SORCS2: variants seen among roughly 807,000 people sequenced by gnomAD.
SORCS2 encodes the protein sortilin related VPS10 domain containing receptor 2, also known as VPS10 domain-containing receptor SorCS2.
Under a neutral mutation model 141.6 loss-of-function variants are expected in SORCS2, and 100 were observed. That is an observed-to-expected ratio of 0.71 (90% confidence interval 0.60 to 0.83). The LOEUF is 0.83. Among genes scored for constraint, SORCS2 ranks in the 40% least tolerant of loss-of-function variants. The pLI is 0.00. For missense variants in SORCS2, 1,646 were observed against 1,560.2 expected (o/e 1.05, Z -0.93); for synonymous variants, 789 against 676.9 (o/e 1.17, Z -2.57).
chr4:7,661,349 G>A (rs1214777458), intron 5 of SORCS2, 151 bp from the exon 6 acceptor site: 13 of 697,054 alleles, frequency 1.9e-5, no homozygotes, highest in South Asian at 3.5e-5. Flanking sequence ...GGAGCAGGTG[G>A]GGTCCTGGGG....
intron 20 of SORCS2, among the ~76,000 whole-genome samples, chr4:7,726,356 T>C (rs1255851792): frequency 6.6e-6 from 1 of 152,166 alleles, no homozygotes; most frequent in Non-Finnish European, 1.5e-5. Context: ...CAGGTGCCCA[T>C]GAGATCAGGA....
intron 1 of SORCS2, among the ~76,000 whole-genome samples, chr4:7,232,703 G>A (rs557925302): frequency 2.6e-4 from 40 of 152,272 alleles, no homozygotes; most frequent in African/African-American, 6.3e-4. Flanking sequence ...GTGTCGATGC[G>A]TGCCCCTCCC....
chr4:7,664,519 C>A lies in SORCS2; in HGVS notation c.1071+48C>A, dbSNP rs773537333. 3 of 1,391,838 alleles carry A rather than the reference C, an allele frequency of 2.2e-6. No individual in the cohort carries two copies. Among genetic ancestry groups the A allele is most frequent in the South Asian group, 1.3e-5 (1 of 77,966 alleles). 86.2% of individuals were successfully genotyped at this position (1,391,838 alleles called of 1,614,324 possible). On this transcript the variant is annotated intron_variant, in intron 7 of 26. Coordinates refer to ENST00000507866, the MANE Select transcript of SORCS2 (RefSeq NM_020777.3). This position sits in a 1 kb window ranked among gnomAD's most constrained non-coding sequence, Gnocchi z 4.7. ...TGGAAATTGGCAACAGGTGACGTGGCGGATGACCCGTTCGCGGCAAAAATG... is the reference window on the plus strand; with the variant it reads ...TGGAAATTGGCAACAGGTGACGTGGAGGATGACCCGTTCGCGGCAAAAATG...
At chr4:7,702,419 C>A (rs1725147819) in intron 12 of SORCS2, among the ~76,000 whole-genome samples, 1 of 152,264 alleles carries the variant, frequency 6.6e-6, no homozygotes, top group South Asian at 2.1e-4. Flanking sequence ...GGAGCCACCA[C>A]CGGCTCTGCC....
chr4:7,224,248 GACA>G (rs1728873372), intron 1 of SORCS2, among the ~76,000 whole-genome samples: 1 of 152,208 alleles, frequency 6.6e-6, no homozygotes, highest in Non-Finnish European at 1.5e-5. Context: ...AGGAAGGTCT[GACA>G]ACATTTAATT....
intron 10 of SORCS2, among the ~76,000 whole-genome samples, chr4:7,684,858 G>A (rs76101632): frequency 0.011 from 1,630 of 152,218 alleles, 30 homozygotes; most frequent in African/African-American, 0.037. Flanking sequence ...CATGGAGGCC[G>A]TGGTACTAAG....
intron 1 of SORCS2, among the ~76,000 whole-genome samples, chr4:7,268,051 T>A (rs749963402): frequency 3.9e-4 from 60 of 152,226 alleles, no homozygotes; most frequent in Non-Finnish European, 6.8e-4. Flanking sequence ...TGGGTGGGGT[T>A]CTGGTTGTCT....
At position 7,724,483 on chromosome 4, in the gene SORCS2, A is replaced by G. The variant is rs868330685; in HGVS notation, c.2611+600A>G. On this transcript the variant is annotated intron_variant, in intron 19 of 26. Coordinates refer to ENST00000507866, the MANE Select transcript of SORCS2 (RefSeq NM_020777.3). The stretch of plus-strand genomic sequence containing the variant: ...GGTGGTGGTGATGGTGATGGTGGTG[A>G]TGGTGGTGGTGGTGACAATGGTGGT... 3.6e-3 allele frequency among the ~76,000 whole-genome samples: 345 copies of G among 97,058 alleles called. 1 individual carries two copies. The highest frequency in any genetic ancestry group is 0.011 in the African/African-American group (227 of 20,182). 63.7% of individuals were successfully genotyped at this position (97,058 alleles called of 152,430 possible).
In SORCS2 at chr4:7,648,629, G is replaced by A. The variant is rs28371431; in HGVS notation, c.814-5505G>A. 0.022 allele frequency among the ~76,000 whole-genome samples: 3,418 copies of A among 152,224 alleles called. 120 individuals carry two copies. Among genetic ancestry groups the A allele is most frequent in the African/African-American group, 0.077 (3,213 of 41,520 alleles). ...ACGAGGGATGGGTTAGAAGCTGCTG[G>A]GTCTACTGAGGGCGGGCGGGGAGTG... is the stretch of plus-strand genomic sequence containing the variant. On this transcript the variant is annotated intron_variant, in intron 4 of 26. Transcript: ENST00000507866. This position sits in a 1 kb window ranked among gnomAD's most constrained non-coding sequence, Gnocchi z 4.2.
intron 3 of SORCS2, among the ~76,000 whole-genome samples, chr4:7,624,410 G>A (rs556476041): frequency 1.3e-5 from 2 of 152,316 alleles, no homozygotes; most frequent in East Asian, 1.9e-4. Flanking sequence ...ATAAGGGAAT[G>A]ATAAGAAAAC....
At chr4:7,607,150 A>G (rs1718111041) in intron 3 of SORCS2, among the ~76,000 whole-genome samples, 1 of 152,206 alleles carries the variant, frequency 6.6e-6, no homozygotes, top group African/African-American at 2.4e-5. Flanking sequence ...TCTGGCCACA[A>G]GAGTTACGCT....
chr4:7,646,226 C>A (rs112367727), intron 4 of SORCS2, among the ~76,000 whole-genome samples: 4 of 151,928 alleles, frequency 2.6e-5, no homozygotes, highest in African/African-American at 4.8e-5. Flanking sequence ...ACAGCGCACA[C>A]GGGGCCGGCA....
chr4:7,276,966 C>T (rs536326032), intron 1 of SORCS2, among the ~76,000 whole-genome samples: 51 of 152,296 alleles, frequency 3.3e-4, no homozygotes, highest in South Asian at 2.3e-3. Flanking sequence ...ACCAGTGGGC[C>T]GTTCTGTCCA....
At chr4:7,266,245 G>T (rs1714719267) in intron 1 of SORCS2, among the ~76,000 whole-genome samples, 1 of 152,178 alleles carries the variant, frequency 6.6e-6, no homozygotes, top group African/African-American at 2.4e-5. Context: ...GCCTGGGAGG[G>T]CACAGCTTGG....
chr4:7,310,222 AT>A (rs1393548348), intron 1 of SORCS2, among the ~76,000 whole-genome samples: 1 of 152,146 alleles, frequency 6.6e-6, no homozygotes, highest in Non-Finnish European at 1.5e-5. Context: ...GTGTCATCAC[AT>A]TTAATCTCCT....
At chr4:7,304,097 G>A (rs1464004731) in intron 1 of SORCS2, among the ~76,000 whole-genome samples, 1 of 152,246 alleles carries the variant, frequency 6.6e-6, no homozygotes, top group African/African-American at 2.4e-5. Context: ...AATACTTGTT[G>A]ACGCCTATAT....
intron 2 of SORCS2, among the ~76,000 whole-genome samples, chr4:7,510,847 T>C (rs984108267): frequency 1.8e-4 from 27 of 152,196 alleles, no homozygotes; most frequent in African/African-American, 6.3e-4. Flanking sequence ...CATCATGCTC[T>C]GTCCTCCTTT....
chr4:7,633,093 G>C (rs6837688), intron 3 of SORCS2, among the ~76,000 whole-genome samples: 27,902 of 152,210 alleles, frequency 0.18, 2,795 homozygotes, highest in African/African-American at 0.23. Flanking sequence ...ATTTTGATTT[G>C]ATCACACATG....
chr4:7,623,672 C>T (rs1161518994), intron 3 of SORCS2, among the ~76,000 whole-genome samples: 1 of 152,184 alleles, frequency 6.6e-6, no homozygotes, highest in Non-Finnish European at 1.5e-5. Flanking sequence ...GATTGGTCAC[C>T]TGGGCACCTC....
Sources: gnomAD v4.1 joint callset for allele counts (sites outside exome capture counted in the v4.1 genomes callset) on GRCh38, gnomAD v4.1.1 for gene constraint, Gnocchi (gnomAD v3.1) non-coding constraint, MANE v1.5 for transcripts, NCBI Gene and HGNC (gene_info 2026-07-23, HGNC 2026-07-21) for gene names.